Variants in GALNT3 observed in about 807,000 individuals in gnomAD.
The protein encoded by GALNT3 is polypeptide N-acetylgalactosaminyltransferase 3.
In GALNT3, 51 loss-of-function variants were observed where a neutral mutation model predicts 69.8. That is an observed-to-expected ratio of 0.73 (90% CI 0.58 to 0.92). The LOEUF (loss-of-function observed/expected upper bound fraction) is 0.92. Among genes scored for constraint, GALNT3 ranks in the 40% least tolerant of loss-of-function variants. The pLI, the probability that GALNT3 is intolerant of heterozygous loss-of-function variation, is 0.00. For synonymous variants in GALNT3, 265 were observed against 248.5 expected (o/e 1.07, Z -0.63); for missense variants, 711 against 760.0 (o/e 0.94, Z 0.76).
chr2:165,768,888 A>C (rs1688696768), intron 2 of GALNT3, among the ~76,000 whole-genome samples: 1 of 146,918 alleles, frequency 6.8e-6, no homozygotes, highest in South Asian at 2.2e-4. Context: ...CTCTGCCCCC[A>C]GGTTCAAGCA....
At chr2:165,788,466 G>GGTGT (rs148293638) in intron 1 of GALNT3, among the ~76,000 whole-genome samples, 30,318 of 139,434 alleles carry the variant, frequency 0.22, 3,550 homozygotes, top group Non-Finnish European at 0.27. Flanking sequence ...AATCCAAAAG[G>GGTGT]GTGTGTGTGT....
intron 1 of GALNT3, among the ~76,000 whole-genome samples, chr2:165,774,258 C>CA (rs2105423725): frequency 6.6e-6 from 1 of 152,278 alleles, no homozygotes; most frequent in Non-Finnish European, 1.5e-5. Context: ...TATCGAGTGA[C>CA]AGTCAATTTT....
At position 165,770,849 on chromosome 2, in the gene GALNT3, T is replaced by G; in HGVS notation, c.-108-41A>C. On this transcript the variant is annotated intron_variant, in intron 1 of 10. Transcript: ENST00000392701. ...ATCGATGGTATTAGTAGCTATTCAGTCCTACAGGCATGGCTCAATTCATTC... is the reference window on the plus strand; with the variant it reads ...ATCGATGGTATTAGTAGCTATTCAGGCCTACAGGCATGGCTCAATTCATTC... 3.8e-6 allele frequency: 3 copies of G among 783,830 alleles called. No individual in the cohort carries two copies. The South Asian group carries it at 5.8e-5, about 15-fold the overall frequency. The allele number at this position is 783,830 out of a possible 1,614,324, so 48.6% of individuals were successfully genotyped here. A position where few individuals can be genotyped will look rare whatever the true frequency, so the allele number is the denominator to read the frequency against.
chr2:165,764,842 T>G, intron 3 of GALNT3, 42 bp downstream of exon 3: 1 of 1,601,022 alleles, frequency 6.2e-7, no homozygotes, highest in Non-Finnish European at 8.6e-7. Flanking sequence ...GATACCACAA[T>G]ATGGATTTGG....
chr2:165,757,414 G>C (rs1448415763), intron 6 of GALNT3, among the ~76,000 whole-genome samples, 167 bp from the exon 7 acceptor site: 1 of 152,166 alleles, frequency 6.6e-6, no homozygotes. Context: ...TTAAGTGTAA[G>C]GAATTATTTT....
rs760639570 is a variant in GALNT3, at chr2:165,748,842, C to T, written c.1841G>A (p.Ser614Asn). The change falls in exon 11 of 11, where the codon AGT becomes AAT. Residue 614 changes from serine to asparagine, a missense_variant. Physicochemically the swap from Ser to Asn is conservative, Grantham distance 46. Transcript: ENST00000392701. Reference protein sequence around the residue: ...MCLSANGEHPSLVSCNPSDPL... With the variant: ...MCLSANGEHPNLVSCNPSDPL... The stretch of plus-strand genomic sequence containing the variant: ...ATCTGATGGGTTGCATGACACTAAA[C>T]TTGGATGCTCTCCATTTGCTGAAAG... 1 of 1,611,624 alleles carries T rather than the reference C, an allele frequency of 6.2e-7. No individual in the cohort carries two copies.
At chr2:165,766,356 G>A (rs1443479812) in intron 2 of GALNT3, among the ~76,000 whole-genome samples, 1 of 152,188 alleles carries the variant, frequency 6.6e-6, no homozygotes, top group Non-Finnish European at 1.5e-5. Flanking sequence ...CTATCCATTA[G>A]TTAAAAACAT....
At chr2:165,754,036 A>C (rs1408160595) in intron 9 of GALNT3, among the ~76,000 whole-genome samples, 1 of 152,156 alleles carries the variant, frequency 6.6e-6, no homozygotes, top group Non-Finnish European at 1.5e-5. Context: ...TTTTTAAAAA[A>C]AATTTCAAAT....
intron 1 of GALNT3, among the ~76,000 whole-genome samples, chr2:165,778,316 C>T (rs1196057248): frequency 6.6e-6 from 1 of 152,138 alleles, no homozygotes; most frequent in African/African-American, 2.4e-5. Flanking sequence ...AACTGGTATT[C>T]CCTGCCCCCC....
chr2:165,761,096 T>G (rs1688536537), intron 4 of GALNT3, among the ~76,000 whole-genome samples: 1 of 133,752 alleles, frequency 7.5e-6, no homozygotes, highest in African/African-American at 3.0e-5. Flanking sequence ...CTCCTTTTTA[T>G]GCCAAGGAGT....
In GALNT3 at chr2:165,788,450, G is replaced by C. The variant is rs529059144; in HGVS notation, c.-109+5565C>G. ...TGGAAAGAGAAATTTTGCATGTTTT[G>C]CAAATAATCCAAAAGGGTGTGTGTG... On this transcript the variant is annotated intron_variant, in intron 1 of 10. Transcript: ENST00000392701. Among the ~76,000 whole-genome samples the C allele has an allele frequency of 8.2e-5, 12 of 147,050 alleles. No individual in the cohort carries two copies. In the South Asian group the frequency reaches 2.6e-3, roughly 32 times the overall value.
Position 165,758,734 on chromosome 2 carries a change from T to G in GALNT3, c.1191+13A>C. ...TTTAATATATCTGCTATATTTAATTTCCATAAACTTACTCTGAAAGACATT... is the reference window on the plus strand; with the variant it reads ...TTTAATATATCTGCTATATTTAATTGCCATAAACTTACTCTGAAAGACATT... On this transcript the variant is annotated intron_variant, in intron 6 of 10. Transcript: ENST00000392701. 2.1e-6 allele frequency: 3 copies of G among 1,419,990 alleles called. No individual in the cohort carries two copies. The highest frequency in any genetic ancestry group is 2.0e-6 in the Non-Finnish European group (2 of 1,003,338). The allele number at this position is 1,419,990 out of a possible 1,614,324, so 88.0% of individuals were successfully genotyped here.
intron 3 of GALNT3, among the ~76,000 whole-genome samples, chr2:165,763,550 TCAGA>T (rs1392774804): frequency 6.6e-6 from 1 of 152,194 alleles, no homozygotes; most frequent in East Asian, 1.9e-4. Flanking sequence ...GAAATAATTC[TCAGA>T]AAGACAAGCA....
chr2:165,754,016 T>C (rs1688398879), intron 9 of GALNT3, among the ~76,000 whole-genome samples: 2 of 152,092 alleles, frequency 1.3e-5, no homozygotes, highest in East Asian at 1.9e-4. Context: ...AAGAGCTACA[T>C]AGAAGTTTCT....
chr2:165,784,502 C>T (rs1683179361), intron 1 of GALNT3, among the ~76,000 whole-genome samples: 1 of 152,120 alleles, frequency 6.6e-6, no homozygotes, highest in Non-Finnish European at 1.5e-5. Flanking sequence ...GTGGAGGCTA[C>T]AGAGGTTGTT....
At chr2:165,783,819 C>T (rs1683163906) in intron 1 of GALNT3, among the ~76,000 whole-genome samples, 1 of 152,128 alleles carries the variant, frequency 6.6e-6, no homozygotes, top group Non-Finnish European at 1.5e-5. Flanking sequence ...TACCCCTTCC[C>T]CATTAGCTGC....
rs761396172 is a variant in GALNT3 at position 165,765,058 on chromosome 2, T to C, written c.516-2A>G. 8.7e-6 allele frequency: 14 copies of C among 1,613,006 alleles called. No homozygotes were observed. Among genetic ancestry groups the C allele is most frequent in the Non-Finnish European group, 1.2e-5 (14 of 1,179,062 alleles). On this transcript the variant is annotated splice_acceptor_variant, in intron 2 of 10. Coordinates refer to ENST00000392701, the MANE Select transcript of GALNT3 (RefSeq NM_004482.4). LOFTEE classifies it high-confidence loss of function. ...CGCTTAAATTTTTGTTCAATACATC[T>C]AGAAGAAGTCAGAGAAGTAGAAAAA... is the stretch of plus-strand genomic sequence containing the variant.
At chr2:165,754,030 T>TA (rs1310533486) in intron 9 of GALNT3, among the ~76,000 whole-genome samples, 1 of 151,016 alleles carries the variant, frequency 6.6e-6, no homozygotes, top group Non-Finnish European at 1.5e-5. Context: ...AGTTTCTTTT[T>TA]AAAAAAAATT....
At chr2:165,762,860 A>C (rs979671259) in intron 3 of GALNT3, among the ~76,000 whole-genome samples, 1 of 152,002 alleles carries the variant, frequency 6.6e-6, no homozygotes, top group African/African-American at 2.4e-5. Flanking sequence ...CAGTGGCACA[A>C]CTCACTGCAA....
Sources: allele counts gnomAD v4.1 joint callset (sites outside exome capture counted in the v4.1 genomes callset), GRCh38; gene constraint gnomAD v4.1.1; transcripts MANE v1.5; gene names NCBI Gene and HGNC (gene_info 2026-07-23, HGNC 2026-07-21).